CEMIP2: variants seen among roughly 807,000 people sequenced by gnomAD.
The protein encoded by CEMIP2 is cell migration inducing hyaluronidase 2.
A neutral mutation model predicts 146.9 loss-of-function variants in CEMIP2; 79 were observed. The observed-to-expected ratio is 0.54, with a 90% confidence interval of 0.45 to 0.65. The LOEUF is 0.65. CEMIP2 is among the 30% of genes least tolerant of loss of function. CEMIP2 has a pLI of 0.00. For synonymous variants in CEMIP2, 601 were observed against 606.3 expected (o/e 0.99, Z 0.13); for missense variants, 1,596 against 1,696.2 (o/e 0.94, Z 1.04).
intron 2 of CEMIP2, among the ~76,000 whole-genome samples, chr9:71,746,596 C>CAAAAAAAAAA (rs5898226): frequency 2.7e-5 from 2 of 75,174 alleles, no homozygotes; most frequent in South Asian, 6.6e-4. Context: ...CAAACTTCAC[C>CAAAAAAAAAA]AAAAAAAAAA....
intron 17 of CEMIP2, 161 bp from the exon 18 acceptor site, chr9:71,704,964 T>C (rs1167098678): frequency 1.6e-6 from 1 of 628,578 alleles, no homozygotes; most frequent in Admixed American, 2.9e-5. Context: ...CAGCCACTTA[T>C]AGTGCAGCCT....
chr9:71,730,136 G>A lies in CEMIP2; in HGVS notation c.1891C>T (p.Leu631=). The A allele has an allele frequency of 3.1e-6, 5 of 1,614,148 alleles. No individual in the cohort carries two copies. Among genetic ancestry groups the A allele is most frequent in the Non-Finnish European group, 4.2e-6 (5 of 1,180,036 alleles). The change falls in exon 9 of 24, where the codon CTG becomes TTG. Residue 631 remains leucine (L), a synonymous_variant. Coordinates refer to ENST00000377044, the MANE Select transcript of CEMIP2 (RefSeq NM_013390.3). ...ATGGAGTTGTTCCTATCGGTGGGCAGGAGAGTACCCGGCTTGGTGAGGAGT... is the reference window on the plus strand; with the variant it reads ...ATGGAGTTGTTCCTATCGGTGGGCAAGAGAGTACCCGGCTTGGTGAGGAGT... ...LGLLTKPGTL[L]PTDRNNSMCT...
chr9:71,704,465 T>C, intron 18 of CEMIP2, 130 bp downstream of exon 18: 1 of 858,360 alleles, frequency 1.2e-6, no homozygotes, highest in Non-Finnish European at 1.9e-6. Flanking sequence ...ATATACAGCC[T>C]CCCCACAAGA....
At chr9:71,719,666 A>G (rs1405714883) in intron 12 of CEMIP2, among the ~76,000 whole-genome samples, 1 of 152,084 alleles carries the variant, frequency 6.6e-6, no homozygotes, top group Non-Finnish European at 1.5e-5. Flanking sequence ...TCTTTAGATT[A>G]TATGGCCCAA....
At chr9:71,708,141 G>A (rs936471909) in intron 17 of CEMIP2, among the ~76,000 whole-genome samples, 1 of 152,104 alleles carries the variant, frequency 6.6e-6, no homozygotes, top group Non-Finnish European at 1.5e-5. Context: ...AGCCAAGATT[G>A]CGCCACTGCA....
chr9:71,728,815 T>TGTGTGTG (rs1554684960), intron 10 of CEMIP2, among the ~76,000 whole-genome samples: 4 of 148,312 alleles, frequency 2.7e-5, no homozygotes, highest in African/African-American at 9.9e-5. Flanking sequence ...TGTGGGGTTT[T>TGTGTGTG]TGTGTGTGTG....
Position 71,694,608 on chromosome 9 carries a change from C to G in CEMIP2, c.3598-1G>C, listed in dbSNP as rs1253814771. 2 of 1,605,460 alleles carry G rather than the reference C, an allele frequency of 1.2e-6. No individual in the cohort carries two copies. On this transcript the variant is annotated splice_acceptor_variant, in intron 20 of 23. Coordinates refer to ENST00000377044, the MANE Select transcript of CEMIP2 (RefSeq NM_013390.3). LOFTEE classifies it high-confidence loss of function. Reference sequence around the variant, plus strand: ...TATGAGGATCACTAGTAAACACCACCTAGACAGAGAAGAAGTTCCATATTT... The same window carrying G: ...TATGAGGATCACTAGTAAACACCACGTAGACAGAGAAGAAGTTCCATATTT...
At position 71,735,090 on chromosome 9, in the gene CEMIP2, G is replaced by A; in HGVS notation, c.1205-96C>T. ...CCTCACACTGATTCACAAATCAAAA[G>A]TTAAGATAACCACGATTCAGCAAAT... On this transcript the variant is annotated intron_variant, in intron 5 of 23. Transcript: ENST00000377044. 4.9e-6 allele frequency: 7 copies of A among 1,427,468 alleles called. No homozygotes were observed. In the South Asian group the frequency reaches 7.3e-5, roughly 15 times the overall value. The allele number at this position is 1,427,468 out of a possible 1,614,324, so 88.4% of individuals were successfully genotyped here.
chr9:71,761,005 C>T (rs1337559391), intron 1 of CEMIP2, among the ~76,000 whole-genome samples: 2 of 152,214 alleles, frequency 1.3e-5, no homozygotes, highest in Non-Finnish European at 2.9e-5. Flanking sequence ...CATCCCCCTT[C>T]GCCCTTGTTC....
intron 10 of CEMIP2, 27 bp downstream of exon 10, chr9:71,729,818 A>T (rs1418894419): frequency 1.9e-6 from 3 of 1,605,916 alleles, no homozygotes; most frequent in East Asian, 4.5e-5. Context: ...ACATTAAAAC[A>T]TCTGAGGTCA....
intron 1 of CEMIP2, among the ~76,000 whole-genome samples, chr9:71,754,081 G>C (rs1315796521): frequency 6.6e-6 from 1 of 152,190 alleles, no homozygotes; most frequent in Non-Finnish European, 1.5e-5. Context: ...AGGGCTGGGA[G>C]AGGGATAGCA....
chr9:71,735,467 C>T (rs1210165013), intron 5 of CEMIP2, among the ~76,000 whole-genome samples: 1 of 152,104 alleles, frequency 6.6e-6, no homozygotes, highest in Non-Finnish European at 1.5e-5. Flanking sequence ...AGAACATTAG[C>T]ACACTAACAA....
upstream of CEMIP2, among the ~76,000 whole-genome samples, chr9:71,769,048 C>G (rs1465056898): frequency 1.3e-5 from 2 of 152,062 alleles, no homozygotes; most frequent in African/African-American, 4.8e-5. Flanking sequence ...CACTCGCTGC[C>G]GCGCGCTGGA....
intron 20 of CEMIP2, among the ~76,000 whole-genome samples, chr9:71,694,841 A>T (rs1006162900): frequency 6.6e-6 from 1 of 152,176 alleles, no homozygotes; most frequent in Non-Finnish European, 1.5e-5. Flanking sequence ...CTTGTTGTTC[A>T]CTTCAGTTCC....
intron 21 of CEMIP2, among the ~76,000 whole-genome samples, chr9:71,693,901 A>G (rs1376144820): frequency 6.6e-6 from 1 of 152,198 alleles, no homozygotes; most frequent in African/African-American, 2.4e-5. Flanking sequence ...TCAGGACACA[A>G]CAGTGTAACC....
At chr9:71,741,544 T>A (rs1161876715) in intron 4 of CEMIP2, among the ~76,000 whole-genome samples, 2 of 151,658 alleles carry the variant, frequency 1.3e-5, no homozygotes, top group African/African-American at 4.8e-5. Flanking sequence ...AGAATCACTA[T>A]CCAACAGATT....
Position 71,726,755 on chromosome 9 carries a change from C to T in CEMIP2, c.2050-1046G>A, listed in dbSNP as rs570031307. Among the ~76,000 whole-genome samples the T allele has an allele frequency of 2.0e-5, 3 of 152,192 alleles. No individual in the cohort carries two copies. In the East Asian group the frequency reaches 5.8e-4, roughly 29 times the overall value. ...ATAAAAGTCTACAAATGGGTCTTAA[C>T]AAAACAAACTACTCTGAAAAATGTT... On this transcript the variant is annotated intron_variant, in intron 10 of 23. Transcript: ENST00000377044.
At chr9:71,688,068 G>T (rs1318089910) in intron 22 of CEMIP2, among the ~76,000 whole-genome samples, 1 of 152,070 alleles carries the variant, frequency 6.6e-6, no homozygotes, top group Non-Finnish European at 1.5e-5. Flanking sequence ...CATTGCCCAG[G>T]CTAGTCTTGA....
At chr9:71,694,221 C>T (rs1822321769) in intron 21 of CEMIP2, among the ~76,000 whole-genome samples, 1 of 152,010 alleles carries the variant, frequency 6.6e-6, no homozygotes. Context: ...CTCCCGGGTT[C>T]AGGCCATTCT....
Sources: gnomAD v4.1 joint callset for allele counts (sites outside exome capture counted in the v4.1 genomes callset) on GRCh38, gnomAD v4.1.1 for gene constraint, MANE v1.5 for transcripts, NCBI Gene and HGNC (gene_info 2026-07-23, HGNC 2026-07-21) for gene names.